SSBP2: variants seen among roughly 807,000 people sequenced by gnomAD.
SSBP2 encodes the protein single-stranded DNA-binding protein 2.
In SSBP2, 17 loss-of-function variants were observed where a neutral mutation model predicts 61.8. The ratio of observed to expected loss-of-function variants is 0.28; its 90% CI spans 0.19 to 0.41. The LOEUF is 0.41. Ranked by LOEUF, SSBP2 falls within the 10% of genes least tolerant of loss-of-function variation. The pLI is 1.00. For synonymous variants in SSBP2, 139 were observed against 141.3 expected, an observed-to-expected ratio of 0.98 and a Z score of 0.12; for missense variants, 310 against 458.7, an observed-to-expected ratio of 0.68 and a Z score of 2.96.
chr5:81,649,846 T>C (rs1749580632), intron 2 of SSBP2, among the ~76,000 whole-genome samples: 1 of 151,852 alleles, frequency 6.6e-6, no homozygotes, highest in Non-Finnish European at 1.5e-5. Flanking sequence ...AATAAGGTTA[T>C]TAAAATGTTT....
At chr5:81,676,048 G>C (rs113543429) in intron 1 of SSBP2, among the ~76,000 whole-genome samples, 16 of 152,198 alleles carry the variant, frequency 1.1e-4, no homozygotes, top group African/African-American at 3.6e-4. Context: ...ACTGTTTACT[G>C]AGCATATTCA....
chr5:81,708,304 T>C (rs1025064137), intron 1 of SSBP2, among the ~76,000 whole-genome samples: 1 of 152,164 alleles, frequency 6.6e-6, no homozygotes, highest in African/African-American at 2.4e-5. Flanking sequence ...TATAGTACAA[T>C]ACAGCAGATA....
intron 1 of SSBP2, among the ~76,000 whole-genome samples, chr5:81,742,580 A>T (rs1012727034): frequency 6.6e-6 from 1 of 152,308 alleles, no homozygotes; most frequent in South Asian, 2.1e-4. Context: ...TGAGGCATTA[A>T]ACATCACACA....
chr5:81,489,192 G>T, intron 6 of SSBP2, 58 bp downstream of exon 6: 1 of 1,332,388 alleles, frequency 7.5e-7, no homozygotes, highest in Non-Finnish European at 1.1e-6. Flanking sequence ...ATAAATATAT[G>T]TGACATTTTC....
At chr5:81,694,115 G>A (rs1040018072) in intron 1 of SSBP2, among the ~76,000 whole-genome samples, 8 of 152,138 alleles carry the variant, frequency 5.3e-5, no homozygotes, top group Non-Finnish European at 1.2e-4. Context: ...ATTTGTGGGA[G>A]CTAAAAATTA....
intron 4 of SSBP2, among the ~76,000 whole-genome samples, chr5:81,567,588 G>C (rs1561547531): frequency 6.6e-6 from 1 of 151,756 alleles, no homozygotes; most frequent in African/African-American, 2.4e-5. Context: ...CTGGGTTACT[G>C]CCTACTGGAC....
intron 3 of SSBP2, among the ~76,000 whole-genome samples, chr5:81,632,189 TTCA>T (rs1747793962): frequency 6.6e-6 from 1 of 152,260 alleles, no homozygotes; most frequent in African/African-American, 2.4e-5. Context: ...TTATATAGTG[TTCA>T]TCATTATTAA....
chr5:81,750,879 C>T, intron 1 of SSBP2, 102 bp downstream of exon 1: 2 of 1,338,770 alleles, frequency 1.5e-6, no homozygotes, highest in Non-Finnish European at 2.1e-6. Context: ...ACCCCCGGCG[C>T]TCCCCGGGCG....
At chr5:81,587,763 G>GCACACACACACA in intron 4 of SSBP2, among the ~76,000 whole-genome samples, 1 of 149,034 alleles carries the variant, frequency 6.7e-6, no homozygotes, top group South Asian at 2.1e-4. Context: ...ACACGCGCGC[G>GCACACACACACA]CACACACACA....
At chr5:81,431,395 CTT>C (rs1254062132) in intron 15 of SSBP2, among the ~76,000 whole-genome samples, 2 of 152,008 alleles carry the variant, frequency 1.3e-5, no homozygotes, top group Non-Finnish European at 2.9e-5. Flanking sequence ...TACATTCTCA[CTT>C]ATCATTTCTT....
At chr5:81,541,967 A>G (rs936479059) in intron 4 of SSBP2, among the ~76,000 whole-genome samples, 13 of 152,242 alleles carry the variant, frequency 8.5e-5, no homozygotes, top group African/African-American at 2.9e-4. Flanking sequence ...GAAACTATCA[A>G]CAGAGTAAAC....
intron 4 of SSBP2, among the ~76,000 whole-genome samples, chr5:81,582,233 AAAAT>A (rs1451626767): frequency 6.6e-6 from 1 of 152,192 alleles, no homozygotes; most frequent in Non-Finnish European, 1.5e-5. Flanking sequence ...TACTAAAAGT[AAAAT>A]AAATAAAGTA....
chr5:81,414,217 T>C lies in SSBP2; in HGVS notation c.*6287A>G, dbSNP rs1424378587. On this transcript the variant is annotated 3_prime_UTR_variant, in exon 17 of 17. Coordinates refer to ENST00000320672, the MANE Select transcript of SSBP2 (RefSeq NM_012446.5). ...TGCAAAGAGAGGAGACAAACTGTAA[T>C]TGTATACATAAAAACACCTAGTCCC... 1.3e-5 allele frequency: 2 copies of C among 152,150 alleles called. No homozygotes were observed. The highest frequency in any genetic ancestry group is 3.8e-4 in the East Asian group (2 of 5,206). The allele number at this position is 152,150 out of a possible 1,614,324, so 9.4% of individuals were successfully genotyped here. A position where few individuals can be genotyped will look rare whatever the true frequency, so the allele number is the denominator to read the frequency against.
intron 1 of SSBP2, among the ~76,000 whole-genome samples, chr5:81,679,493 C>T (rs1320791177): frequency 6.6e-6 from 1 of 152,056 alleles, no homozygotes; most frequent in Non-Finnish European, 1.5e-5. Flanking sequence ...TTACACTAAC[C>T]ATATAGTGGT....
intron 3 of SSBP2, among the ~76,000 whole-genome samples, chr5:81,629,603 A>G (rs550866980): frequency 1.6e-4 from 25 of 152,288 alleles, no homozygotes; most frequent in East Asian, 5.8e-4. Flanking sequence ...CACTTTCTCT[A>G]TGATGCCTTT....
intron 1 of SSBP2, among the ~76,000 whole-genome samples, chr5:81,730,370 G>A (rs575266655): frequency 2.4e-4 from 37 of 152,092 alleles, no homozygotes; most frequent in Admixed American, 7.2e-4. Flanking sequence ...GATTACAGGC[G>A]CCCGCTACCA....
At chr5:81,586,607 A>T (rs1013842159) in intron 4 of SSBP2, among the ~76,000 whole-genome samples, 1 of 147,704 alleles carries the variant, frequency 6.8e-6, no homozygotes, top group Non-Finnish European at 1.5e-5. Flanking sequence ...AAGGATCTTC[A>T]GAGTCTAACT....
At chr5:81,486,251 T>C (rs1766372156) in intron 6 of SSBP2, among the ~76,000 whole-genome samples, 1 of 152,206 alleles carries the variant, frequency 6.6e-6, no homozygotes, top group East Asian at 1.9e-4. Context: ...TTCAAAGACA[T>C]TAAATACCTG....
At chr5:81,603,579 A>T (rs1365080371) in intron 4 of SSBP2, among the ~76,000 whole-genome samples, 1 of 152,240 alleles carries the variant, frequency 6.6e-6, no homozygotes, top group Non-Finnish European at 1.5e-5. Flanking sequence ...AAAGGTAAAA[A>T]GTCACAATGC....
Sources: allele counts gnomAD v4.1 joint callset (sites outside exome capture counted in the v4.1 genomes callset), GRCh38; gene constraint gnomAD v4.1.1; transcripts MANE v1.5; gene names NCBI Gene and HGNC (gene_info 2026-07-23, HGNC 2026-07-21).